The following PIK3C3 variants were observed in gnomAD, a reference collection of about 807,000 sequenced individuals.
PIK3C3 encodes the protein PI3-kinase type 3.
In PIK3C3, 95 loss-of-function variants were observed where a neutral mutation model predicts 126.1. That is an observed-to-expected ratio of 0.75 (90% CI 0.64 to 0.89). PIK3C3 has a LOEUF of 0.89. PIK3C3 is among the 40% of genes least tolerant of loss of function. PIK3C3 has a pLI of 0.00. For synonymous variants in PIK3C3, 374 were observed against 360.0 expected, an observed-to-expected ratio of 1.04 and a Z score of -0.44; for missense variants, 829 against 1,063.2, an observed-to-expected ratio of 0.78 and a Z score of 3.06.
At chr18:41,986,260 T>C (rs1477160264) in intron 4 of PIK3C3, among the ~76,000 whole-genome samples, 1 of 152,138 alleles carries the variant, frequency 6.6e-6, no homozygotes, top group Non-Finnish European at 1.5e-5. Context: ...ATAAATGTTA[T>C]TTTTTTCTCC....
At chr18:42,015,700 CACGTTTAT>C in intron 12 of PIK3C3, 134 bp downstream of exon 12, 1 of 658,628 alleles carries the variant, frequency 1.5e-6, no homozygotes, top group Non-Finnish European at 2.6e-6. Context: ...CTTTATGATG[CACGTTTAT>C]AACTTTTCCC....
At position 42,057,956 on chromosome 18, in the gene PIK3C3, G is replaced by T. The variant is rs1382315038; in HGVS notation, c.2337G>T (p.Leu779=). The change falls in exon 22 of 25, where the codon CTG becomes CTT. Residue 779 remains leucine, a synonymous_variant. Transcript: ENST00000262039. ...DPKPLPPPMK[L]NKEMVEGMGG... is the part of the protein sequence containing the mutation. ...AGCCTCTTCCTCCACCAATGAAGCT[G>T]AATAAAGAAATGGTAGAAGGAATGG... 1 of 1,613,534 alleles carries T rather than the reference G, an allele frequency of 6.2e-7. No homozygotes were observed. Among genetic ancestry groups the T allele is most frequent in the African/African-American group, 1.3e-5 (1 of 74,876 alleles).
At chr18:42,055,132 C>T (rs1203359739) in intron 21 of PIK3C3, among the ~76,000 whole-genome samples, 1 of 152,058 alleles carries the variant, frequency 6.6e-6, no homozygotes. Flanking sequence ...GTGGATTCTT[C>T]ATGAATGGCC....
chr18:41,965,136 A>C (rs183034829), intron 3 of PIK3C3, among the ~76,000 whole-genome samples: 1 of 152,328 alleles, frequency 6.6e-6, no homozygotes, highest in South Asian at 2.1e-4. Context: ...ACAGAGAAGA[A>C]AAAGAAAAAT....
At chr18:41,992,947 C>T (rs1220543483) in intron 6 of PIK3C3, among the ~76,000 whole-genome samples, 2 of 151,944 alleles carry the variant, frequency 1.3e-5, no homozygotes, top group Non-Finnish European at 2.9e-5. Context: ...AAAATTAGCA[C>T]GTTTTTAAAA....
Position 42,027,468 on chromosome 18 carries a change from C to A in PIK3C3, c.1510C>A (p.Gln504Lys). 1.2e-6 allele frequency: 2 copies of A among 1,605,568 alleles called. No homozygotes were observed. The highest frequency in any genetic ancestry group is 1.1e-5 in the South Asian group (1 of 90,682). The change falls in exon 14 of 25, where the codon CAA becomes AAA. Residue 504 changes from glutamine (Q) to lysine (K), a missense_variant. By Grantham distance (53) the Gln-to-Lys change is moderately conservative. Transcript: ENST00000262039. ...GTATGTGATAGTGGAATGTGAAGATCAAGATACTCAGCAGAGAGATCCAAA... is the reference window on the plus strand; with the variant it reads ...GTATGTGATAGTGGAATGTGAAGATAAAGATACTCAGCAGAGAGATCCAAA... ...YWYVIVECED[Q>K]DTQQRDPKTH...
At chr18:41,960,757 T>C (rs1980038772) in intron 2 of PIK3C3, among the ~76,000 whole-genome samples, 1 of 152,004 alleles carries the variant, frequency 6.6e-6, no homozygotes, top group Non-Finnish European at 1.5e-5. Flanking sequence ...TTTCTTTTTT[T>C]TTTTGAGATG....
In PIK3C3 at chr18:42,087,554, C is replaced by G. The variant is rs1218393534; in HGVS notation, c.*6417C>G. On this transcript the variant is annotated 3_prime_UTR_variant, in exon 25 of 25. Coordinates refer to ENST00000262039, the MANE Select transcript of PIK3C3 (RefSeq NM_002647.4). ...CAGCTTGTCTATGTCTGCAGCTCAA[C>G]TTTACAGGCTGCTCTTTGTTAGCAA... The G allele has an allele frequency of 6.6e-6, 1 of 152,214 alleles. No homozygotes were observed. Among genetic ancestry groups the G allele is most frequent in the African/African-American group, 2.4e-5 (1 of 41,456 alleles). The allele number at this position is 152,214 out of a possible 1,614,324, so 9.4% of individuals were successfully genotyped here. A position where few individuals can be genotyped will look rare whatever the true frequency, so the allele number is the denominator to read the frequency against.
At chr18:41,977,034 T>G (rs988297831) in intron 4 of PIK3C3, among the ~76,000 whole-genome samples, 6 of 152,130 alleles carry the variant, frequency 3.9e-5, no homozygotes, top group Non-Finnish European at 2.9e-5. Context: ...TTTAGAAGAT[T>G]AAAATTGAAA....
chr18:42,024,589 C>T (rs1983470898), intron 13 of PIK3C3, among the ~76,000 whole-genome samples: 1 of 151,904 alleles, frequency 6.6e-6, no homozygotes, highest in African/African-American at 2.4e-5. Flanking sequence ...GCATGTGCCA[C>T]CAAGCCCGGC....
intron 15 of PIK3C3, among the ~76,000 whole-genome samples, chr18:42,033,174 G>A (rs1483014242): frequency 6.6e-6 from 1 of 152,024 alleles, no homozygotes; most frequent in African/African-American, 2.4e-5. Flanking sequence ...GAATAGAAGG[G>A]GTTCTTCTAA....
intron 24 of PIK3C3, chr18:42,070,604 A>G (rs1985733468): frequency 6.6e-6 from 1 of 152,120 alleles, no homozygotes; most frequent in Non-Finnish European, 1.5e-5. Context: ...TGGTTTACCA[A>G]AGTCTCTGGG....
At chr18:42,001,945 G>A (rs1273761404) in intron 9 of PIK3C3, among the ~76,000 whole-genome samples, 1 of 152,162 alleles carries the variant, frequency 6.6e-6, no homozygotes. Flanking sequence ...TAAGTTAGTA[G>A]GGCAATCTGT....
At chr18:41,961,233 A>G (rs767109631) in intron 2 of PIK3C3, among the ~76,000 whole-genome samples, 1 of 152,086 alleles carries the variant, frequency 6.6e-6, no homozygotes, top group African/African-American at 2.4e-5. Flanking sequence ...TATCCAAAAC[A>G]TTATTTTGGA....
chr18:41,994,908 C>T (rs560983420), intron 7 of PIK3C3, among the ~76,000 whole-genome samples: 9 of 152,072 alleles, frequency 5.9e-5, no homozygotes, highest in African/African-American at 9.6e-5. Flanking sequence ...GGTAGTGGCA[C>T]GTACCTGTAG....
chr18:42,033,609 C>G (rs1283091448), intron 15 of PIK3C3, among the ~76,000 whole-genome samples: 1 of 152,180 alleles, frequency 6.6e-6, no homozygotes, highest in African/African-American at 2.4e-5. Context: ...GTCCAACTTT[C>G]ACAGTCAAGC....
chr18:41,965,524 A>G lies in PIK3C3; in HGVS notation c.401+2892A>G, dbSNP rs187595809. 4.7e-3 allele frequency among the ~76,000 whole-genome samples: 720 copies of G among 152,278 alleles called. 1 individual carries two copies. The highest frequency in any genetic ancestry group is 8.3e-3 in the Non-Finnish European group (565 of 68,020). ...TGTTTAAGAACCATCCTGGAAGCCT[A>G]TGAGAAAAGCATCTTCCTGGGTTCT... On this transcript the variant is annotated intron_variant, in intron 3 of 24. Coordinates refer to ENST00000262039, the MANE Select transcript of PIK3C3 (RefSeq NM_002647.4).
chr18:42,037,944 C>T (rs755739890), intron 17 of PIK3C3, 124 bp downstream of exon 17: 30 of 866,920 alleles, frequency 3.5e-5, no homozygotes, highest in Non-Finnish European at 4.7e-5. Flanking sequence ...GAAAGCTCAA[C>T]AGTCTCCACT....
chr18:41,962,756 T>A (rs926085472), intron 3 of PIK3C3, 124 bp downstream of exon 3: 2 of 742,844 alleles, frequency 2.7e-6, no homozygotes, highest in African/African-American at 3.6e-5. Context: ...TAGGTACATA[T>A]GATTTGATCA....
Sources: allele counts gnomAD v4.1 joint callset (sites outside exome capture counted in the v4.1 genomes callset), GRCh38; gene constraint gnomAD v4.1.1; transcripts MANE v1.5; gene names NCBI Gene and HGNC (gene_info 2026-07-23, HGNC 2026-07-21).